The following SYT9 variants were observed in gnomAD, a reference collection of about 807,000 sequenced individuals.
SYT9 encodes the protein synaptotagmin-9.
SYT9 carries 22 observed loss-of-function variants against 48.4 expected under a neutral mutation model. The ratio of observed to expected loss-of-function variants is 0.45; its 90% CI spans 0.32 to 0.65. The LOEUF is 0.65. Ranked by LOEUF, SYT9 falls within the 30% of genes least tolerant of loss-of-function variation. The pLI is 0.03. For missense variants in SYT9, 577 were observed against 622.0 expected (o/e 0.93, Z 0.77); for synonymous variants, 265 against 245.0 (o/e 1.08, Z -0.76).
intron 3 of SYT9, among the ~76,000 whole-genome samples, chr11:7,339,787 ATTCT>A (rs2133988375): frequency 1.3e-5 from 2 of 152,180 alleles, no homozygotes; most frequent in Non-Finnish European, 2.9e-5. Flanking sequence ...TGCCTTTAGC[ATTCT>A]TTCTTTCATT....
At chr11:7,378,685 T>C (rs1850501029) in intron 3 of SYT9, among the ~76,000 whole-genome samples, 1 of 152,072 alleles carries the variant, frequency 6.6e-6, no homozygotes, top group Non-Finnish European at 1.5e-5. Context: ...CCACCCATGG[T>C]AGAATAAAAT....
intron 3 of SYT9, among the ~76,000 whole-genome samples, chr11:7,407,147 A>G (rs1315881736): frequency 6.6e-6 from 1 of 152,072 alleles, no homozygotes; most frequent in East Asian, 1.9e-4. Flanking sequence ...CATTCAACAC[A>G]TTTTCTCCTC....
intron 1 of SYT9, among the ~76,000 whole-genome samples, chr11:7,284,964 C>T (rs1299866383): frequency 2.0e-5 from 3 of 152,162 alleles, no homozygotes; most frequent in Non-Finnish European, 4.4e-5. Context: ...TTACAAGACA[C>T]ATTCACCATT....
At chr11:7,331,690 G>T (rs186883182) in intron 3 of SYT9, among the ~76,000 whole-genome samples, 5 of 152,014 alleles carry the variant, frequency 3.3e-5, no homozygotes, top group Non-Finnish European at 5.9e-5. Context: ...GTGCCACTGC[G>T]CTCCAGCCTG....
At chr11:7,432,020 A>G (rs1847583492) in intron 6 of SYT9, among the ~76,000 whole-genome samples, 1 of 152,198 alleles carries the variant, frequency 6.6e-6, no homozygotes, top group Non-Finnish European at 1.5e-5. Context: ...GTCTAAGGGA[A>G]CTATGAGAAG....
At chr11:7,372,282 G>GT (rs977108278) in intron 3 of SYT9, among the ~76,000 whole-genome samples, 7 of 151,862 alleles carry the variant, frequency 4.6e-5, no homozygotes, top group African/African-American at 1.5e-4. Flanking sequence ...TTTATGTGGG[G>GT]TTTTTTTGCT....
At chr11:7,250,426 A>G (rs892882573), upstream of SYT9, among the ~76,000 whole-genome samples, 1 of 148,646 alleles carries the variant, frequency 6.7e-6, no homozygotes, top group African/African-American at 2.5e-5. Context: ...ATACCTTCTC[A>G]CCATTACTAT....
At chr11:7,399,764 C>T (rs1322407971) in intron 3 of SYT9, among the ~76,000 whole-genome samples, 1 of 148,234 alleles carries the variant, frequency 6.7e-6, no homozygotes, top group African/African-American at 2.5e-5. Flanking sequence ...ATAAGACACA[C>T]ATAAATGTAA....
At chr11:7,433,522 A>T (rs1402785431) in intron 6 of SYT9, among the ~76,000 whole-genome samples, 3 of 152,210 alleles carry the variant, frequency 2.0e-5, no homozygotes, top group Non-Finnish European at 4.4e-5. Flanking sequence ...CTTTATCTGC[A>T]TTCTCTCTCT....
chr11:7,349,382 AACACACACAC>A (rs71056799), intron 3 of SYT9, among the ~76,000 whole-genome samples: 3 of 148,160 alleles, frequency 2.0e-5, no homozygotes, highest in African/African-American at 5.0e-5. Context: ...AAAATATACA[AACACACACAC>A]ACACACACAC....
At chr11:7,356,266 G>A (rs1850018254) in intron 3 of SYT9, among the ~76,000 whole-genome samples, 1 of 152,214 alleles carries the variant, frequency 6.6e-6, no homozygotes, top group Admixed American at 6.5e-5. Flanking sequence ...TCAAACTTGA[G>A]TCGTTTTACT....
intron 6 of SYT9, among the ~76,000 whole-genome samples, chr11:7,464,737 G>C (rs1367222052): frequency 6.6e-6 from 1 of 152,158 alleles, no homozygotes; most frequent in East Asian, 1.9e-4. Context: ...TTTCACAGTT[G>C]AAAGAGCGGC....
At chr11:7,250,453 C>CA (rs1449514957), upstream of SYT9, among the ~76,000 whole-genome samples, 3 of 97,464 alleles carry the variant, frequency 3.1e-5, no homozygotes, top group Non-Finnish European at 6.5e-5. Context: ...CCCCCGCCAC[C>CA]CCCCCCCAGC....
chr11:7,303,184 G>A lies in SYT9; in HGVS notation c.291G>A (p.Glu97=). Residue 97 remains glutamate, a synonymous_variant, in exon 2 of 7, where the codon GAG becomes GAA. Coordinates refer to ENST00000318881, the MANE Select transcript of SYT9 (RefSeq NM_175733.4). ...LPSGSKDNNQ[E]PLNYMDTETN... ...CTGGTAGCAAAGACAACAACCAGGA[G>A]CCCCTTAACTACATGGACACAGAGA... 1 of 1,614,162 alleles carries A rather than the reference G, an allele frequency of 6.2e-7. No homozygotes were observed. Among genetic ancestry groups the A allele is most frequent in the South Asian group, 1.1e-5 (1 of 91,078 alleles).
At chr11:7,297,730 T>C (rs775089936) in intron 1 of SYT9, among the ~76,000 whole-genome samples, 14 of 152,218 alleles carry the variant, frequency 9.2e-5, no homozygotes, top group Non-Finnish European at 1.9e-4. Flanking sequence ...GATAAATACA[T>C]TGAAAATAAT....
rs957007877 is a variant in SYT9 at position 7,416,351 on chromosome 11, G to A, written c.1165+189G>A. ...CTGAGCTTTGGATTCCCATCGGTAA[G>A]ATGAGAGTAATTATAGCGTCTGGCT... On this transcript the variant is annotated intron_variant, in intron 4 of 6. Transcript: ENST00000318881. Among the ~76,000 whole-genome samples, 72 of 152,210 alleles carry A rather than the reference G, an allele frequency of 4.7e-4. 1 individual carries two copies. The highest frequency in any genetic ancestry group is 5.2e-4 in the Admixed American group (8 of 15,284).
chr11:7,456,302 T>C (rs116104799), intron 6 of SYT9, among the ~76,000 whole-genome samples: 193 of 152,334 alleles, frequency 1.3e-3, no homozygotes, highest in African/African-American at 4.5e-3. Context: ...TATGCAATAG[T>C]CAGGAGGCAG....
chr11:7,441,872 C>A (rs11041382), intron 6 of SYT9, among the ~76,000 whole-genome samples: 1 of 152,092 alleles, frequency 6.6e-6, no homozygotes, highest in East Asian at 1.9e-4. Context: ...TGGATCCCTT[C>A]TTCTGGGACA....
intron 3 of SYT9, among the ~76,000 whole-genome samples, chr11:7,395,516 G>C (rs923940305): frequency 6.6e-6 from 1 of 151,960 alleles, no homozygotes; most frequent in Admixed American, 6.6e-5. Flanking sequence ...ACTTGTTTAT[G>C]AATCCCAATG....
Sources: allele counts gnomAD v4.1 joint callset (sites outside exome capture counted in the v4.1 genomes callset), GRCh38; gene constraint gnomAD v4.1.1; transcripts MANE v1.5; gene names NCBI Gene and HGNC (gene_info 2026-07-23, HGNC 2026-07-21).